The following ADAM12 variants were observed in gnomAD, a reference collection of about 807,000 sequenced individuals.
ADAM12 encodes ADAM metallopeptidase domain 12, also known as disintegrin and metalloproteinase domain-containing protein 12.
A neutral mutation model predicts 106.4 loss-of-function variants in ADAM12; 70 were observed. The ratio of observed to expected loss-of-function variants is 0.66; its 90% CI spans 0.54 to 0.80. ADAM12 has a LOEUF of 0.80. Among genes scored for constraint, ADAM12 ranks in the 30% least tolerant of loss-of-function variants. ADAM12 has a pLI of 0.00. For synonymous variants in ADAM12, 420 were observed against 433.5 expected (o/e 0.97, Z 0.39); for missense variants, 1,010 against 1,171.9 (o/e 0.86, Z 2.02).
chr10:126,365,027 C>T (rs988005098), intron 1 of ADAM12, among the ~76,000 whole-genome samples: 2 of 152,140 alleles, frequency 1.3e-5, no homozygotes, highest in Non-Finnish European at 2.9e-5. Context: ...GTCTACAGCA[C>T]ACTCATTCTG....
intron 3 of ADAM12, among the ~76,000 whole-genome samples, chr10:126,241,407 C>T (rs1014428010): frequency 9.2e-5 from 14 of 152,118 alleles, no homozygotes; most frequent in African/African-American, 3.1e-4. Flanking sequence ...TTAGAAGAAT[C>T]GTAACCAGAA....
At chr10:126,297,785 G>A (rs922216300) in intron 2 of ADAM12, among the ~76,000 whole-genome samples, 1 of 152,170 alleles carries the variant, frequency 6.6e-6, no homozygotes, top group African/African-American at 2.4e-5. Flanking sequence ...TGACCCAGAT[G>A]GAGAAGAAAA....
chr10:126,359,612 G>T (rs983710980), intron 1 of ADAM12, among the ~76,000 whole-genome samples: 1 of 152,204 alleles, frequency 6.6e-6, no homozygotes, highest in African/African-American at 2.4e-5. Flanking sequence ...TGATGCAAGA[G>T]TTGGGTTCCC....
intron 1 of ADAM12, among the ~76,000 whole-genome samples, chr10:126,355,518 A>T (rs1855510376): frequency 6.6e-6 from 1 of 152,198 alleles, no homozygotes. Flanking sequence ...ACAGAAATGA[A>T]TGAAGTCTGC....
At chr10:126,200,066 C>T (rs1210805570) in intron 3 of ADAM12, among the ~76,000 whole-genome samples, 2 of 152,156 alleles carry the variant, frequency 1.3e-5, no homozygotes, top group Non-Finnish European at 2.9e-5. Flanking sequence ...CTACGAGATG[C>T]TCTTTAATAT....
In ADAM12 at chr10:126,015,934, G is replaced by A. The variant is rs1053158221; in HGVS notation, c.*1345C>T. The A allele has an allele frequency of 6.6e-6, 1 of 152,178 alleles. No homozygotes were observed. The highest frequency in any genetic ancestry group is 2.4e-5 in the African/African-American group (1 of 41,426). 9.4% of individuals were successfully genotyped at this position (152,178 alleles called of 1,614,324 possible). ...TAGTCAGGCATTTGAAGAGTGAAGA[G>A]TTCAAGGGGATGCTGCCCAAGCCAG... On this transcript the variant is annotated 3_prime_UTR_variant, in exon 23 of 23. Transcript: ENST00000448723.
At chr10:126,375,621 A>G (rs938635722) in intron 1 of ADAM12, among the ~76,000 whole-genome samples, 1 of 152,008 alleles carries the variant, frequency 6.6e-6, no homozygotes, top group African/African-American at 2.4e-5. Context: ...AAGAGTAGGT[A>G]TAAATAATCC....
chr10:126,222,464 C>T (rs896193272), intron 3 of ADAM12, among the ~76,000 whole-genome samples: 3 of 150,792 alleles, frequency 2.0e-5, no homozygotes, highest in South Asian at 2.1e-4. Flanking sequence ...AGGAAGAGCC[C>T]GGCACAGTCT....
rs538579821 is a variant in ADAM12 at position 126,325,269 on chromosome 10, G to A, written c.186+5143C>T. Among the ~76,000 whole-genome samples the A allele has an allele frequency of 3.9e-5, 6 of 152,344 alleles. No homozygotes were observed. The East Asian group carries it at 7.7e-4, about 20-fold the overall frequency. On this transcript the variant is annotated intron_variant, in intron 2 of 22. Coordinates refer to ENST00000448723, the MANE Select transcript of ADAM12 (RefSeq NM_001288973.2). ...GTGTGCTGGCTTTGGAAATTAGGAA[G>A]CCATCTCTGACCTTGGCAAAGGCCA...
At chr10:126,208,219 G>C (rs1176801097) in intron 3 of ADAM12, among the ~76,000 whole-genome samples, 1 of 152,158 alleles carries the variant, frequency 6.6e-6, no homozygotes, top group Admixed American at 6.5e-5. Context: ...GGGTGATTTT[G>C]TGCCCCACCC....
intron 6 of ADAM12, among the ~76,000 whole-genome samples, chr10:126,112,541 C>A (rs1478338618): frequency 6.6e-6 from 1 of 152,032 alleles, no homozygotes; most frequent in East Asian, 1.9e-4. Context: ...AAGAAAGAAC[C>A]AGTTCCTGGG....
chr10:126,325,280 C>T (rs1854258939), intron 2 of ADAM12, among the ~76,000 whole-genome samples: 1 of 152,180 alleles, frequency 6.6e-6, no homozygotes, highest in Non-Finnish European at 1.5e-5. Flanking sequence ...CCATCTCTGA[C>T]CTTGGCAAAG....
At chr10:126,209,719 T>C (rs1441581097) in intron 3 of ADAM12, among the ~76,000 whole-genome samples, 3 of 152,220 alleles carry the variant, frequency 2.0e-5, no homozygotes, top group Admixed American at 2.0e-4. Context: ...GCCTATATTG[T>C]TATATTGAAT....
chr10:126,270,107 G>C (rs1285654263), intron 3 of ADAM12, among the ~76,000 whole-genome samples: 1 of 152,196 alleles, frequency 6.6e-6, no homozygotes, highest in Non-Finnish European at 1.5e-5. Flanking sequence ...AAGGAGTTTG[G>C]TCTAGTTAGA....
intron 16 of ADAM12, among the ~76,000 whole-genome samples, chr10:126,048,051 C>T (rs1954374099): frequency 6.6e-6 from 1 of 152,120 alleles, no homozygotes; most frequent in Non-Finnish European, 1.5e-5. Flanking sequence ...AACAGAAAAC[C>T]AACTACCACA....
chr10:126,162,464 C>T (rs1166859185), intron 3 of ADAM12, among the ~76,000 whole-genome samples: 1 of 152,170 alleles, frequency 6.6e-6, no homozygotes, highest in African/African-American at 2.4e-5. Context: ...CCCGCTGCTG[C>T]TGAGACAGGC....
intron 1 of ADAM12, among the ~76,000 whole-genome samples, chr10:126,364,773 A>T (rs143397042): frequency 2.0e-5 from 3 of 152,126 alleles, no homozygotes; most frequent in African/African-American, 7.2e-5. Flanking sequence ...GATAAAAATA[A>T]GGGGGGAAAT....
intron 3 of ADAM12, among the ~76,000 whole-genome samples, chr10:126,200,305 T>A (rs1957674558): frequency 6.6e-6 from 1 of 152,152 alleles, no homozygotes. Context: ...GAGTAACAGA[T>A]TAATAACCAT....
Position 126,050,659 on chromosome 10 carries a change from C to A in ADAM12, c.1610-990G>T, listed in dbSNP as rs150762001. On this transcript the variant is annotated intron_variant, in intron 14 of 22. Coordinates refer to ENST00000448723, the MANE Select transcript of ADAM12 (RefSeq NM_001288973.2). ...GGTGACAACGGATTTATTTAAGATA[C>A]CTCGTCCCAGGGAACAGAAGATGTT... 6.6e-4 allele frequency among the ~76,000 whole-genome samples: 101 copies of A among 152,304 alleles called. 1 individual carries two copies. In the East Asian group the frequency reaches 0.015, roughly 23 times the overall value.
Sources: allele counts gnomAD v4.1 joint callset (sites outside exome capture counted in the v4.1 genomes callset), GRCh38; gene constraint gnomAD v4.1.1; transcripts MANE v1.5; gene names NCBI Gene and HGNC (gene_info 2026-07-23, HGNC 2026-07-21).